The following PSMB7 variants were observed in gnomAD, a reference collection of about 807,000 sequenced individuals.
The protein encoded by PSMB7 is proteasome subunit beta type-7.
A neutral mutation model predicts 28.1 loss-of-function variants in PSMB7; 5 were observed. The observed-to-expected ratio is 0.18, with a 90% CI of 0.09 to 0.37. The LOEUF (loss-of-function observed/expected upper bound fraction) is 0.37. PSMB7 is among the 10% of genes least tolerant of loss of function. The pLI, the probability that PSMB7 is intolerant of heterozygous loss-of-function variation, is 1.00. For synonymous variants in PSMB7, 122 were observed against 123.7 expected (o/e 0.99, Z 0.09); for missense variants, 275 against 346.2 (o/e 0.79, Z 1.63).
chr9:124,398,526 A>G, intron 5 of PSMB7: 1 of 311,558 alleles, frequency 3.2e-6, no homozygotes. Flanking sequence ...GGGTAGTAAA[A>G]TTGTGGAGAT....
chr9:124,406,776 C>T (rs1830970040), intron 4 of PSMB7, among the ~76,000 whole-genome samples: 1 of 152,078 alleles, frequency 6.6e-6, no homozygotes, highest in Non-Finnish European at 1.5e-5. Context: ...CTTAATTGTG[C>T]ACATATTTGT....
intron 6 of PSMB7, among the ~76,000 whole-genome samples, chr9:124,368,383 T>G (rs1030142460): frequency 1.3e-5 from 2 of 152,272 alleles, no homozygotes; most frequent in Non-Finnish European, 2.9e-5. Flanking sequence ...ATTGCTTAAA[T>G]TATGCTACCC....
At chr9:124,380,906 G>T (rs1004607638) in intron 6 of PSMB7, among the ~76,000 whole-genome samples, 5 of 152,222 alleles carry the variant, frequency 3.3e-5, no homozygotes, top group African/African-American at 1.2e-4. Context: ...TGATAGGCTG[G>T]CCCTGCCCAA....
At chr9:124,401,047 G>GT (rs1364058441) in intron 5 of PSMB7, among the ~76,000 whole-genome samples, 3 of 152,026 alleles carry the variant, frequency 2.0e-5, no homozygotes, top group East Asian at 1.9e-4. Context: ...TCATTTGTGT[G>GT]TTTTTTTTAA....
chr9:124,387,149 G>A (rs1216630933), intron 5 of PSMB7, among the ~76,000 whole-genome samples: 1 of 152,162 alleles, frequency 6.6e-6, no homozygotes, highest in African/African-American at 2.4e-5. Flanking sequence ...AGGAGGCTGA[G>A]GCAGGAGAAT....
chr9:124,354,065 C>A (rs1217889528), intron 7 of PSMB7, among the ~76,000 whole-genome samples: 3 of 152,162 alleles, frequency 2.0e-5, no homozygotes, highest in African/African-American at 7.2e-5. Context: ...GGAAGCAAAT[C>A]CCATCATTAC....
chr9:124,374,014 A>G (rs1564678252), intron 6 of PSMB7, among the ~76,000 whole-genome samples: 1 of 152,252 alleles, frequency 6.6e-6, no homozygotes, highest in African/African-American at 2.4e-5. Context: ...CAACTAATGA[A>G]TAAGTAAAAT....
At chr9:124,401,589 C>T (rs1034993828) in intron 5 of PSMB7, among the ~76,000 whole-genome samples, 20 of 152,340 alleles carry the variant, frequency 1.3e-4, no homozygotes, top group African/African-American at 4.6e-4. Context: ...GACCTTTTCT[C>T]CCTTGGGTCC....
rs1830414044 is a variant in PSMB7, at chr9:124,356,941, T to C, written c.571-26A>G. On this transcript the variant is annotated intron_variant, in intron 6 of 7. Transcript: ENST00000259457. The surrounding 1 kb of genome is among the most constrained non-coding windows in gnomAD (Gnocchi z 4.4). The stretch of plus-strand genomic sequence containing the variant: ...CTGAGAAACAGAACGGCGGCAATAA[T>C]GTCCCCGGCCAAACTAGGGCCTGCT... The C allele has an allele frequency of 6.2e-7, 1 of 1,613,422 alleles. No homozygotes were observed. The highest frequency in any genetic ancestry group is 1.7e-5 in the Admixed American group (1 of 59,980).
At chr9:124,385,958 A>G (rs1830714484) in intron 5 of PSMB7, among the ~76,000 whole-genome samples, 1 of 152,224 alleles carries the variant, frequency 6.6e-6, no homozygotes, top group African/African-American at 2.4e-5. Context: ...CCCGATGAAT[A>G]TGACAGATAC....
At chr9:124,361,669 CTAGCTA>C (rs767606110) in intron 6 of PSMB7, among the ~76,000 whole-genome samples, 20 of 152,222 alleles carry the variant, frequency 1.3e-4, no homozygotes, top group Non-Finnish European at 2.8e-4. Flanking sequence ...TGGCCCACTG[CTAGCTA>C]TAAAGTCTGC....
intron 5 of PSMB7, among the ~76,000 whole-genome samples, chr9:124,394,036 T>C (rs1010604757): frequency 6.6e-6 from 1 of 152,266 alleles, no homozygotes; most frequent in African/African-American, 2.4e-5. Context: ...GCAAGTCTCT[T>C]AAAGGTCCCC....
intron 5 of PSMB7, among the ~76,000 whole-genome samples, chr9:124,390,763 A>G (rs924467340): frequency 2.6e-5 from 4 of 152,240 alleles, no homozygotes; most frequent in African/African-American, 9.6e-5. Flanking sequence ...AAAAAATTGA[A>G]GAAAATCCAA....
At chr9:124,375,226 A>T (rs540371414) in intron 6 of PSMB7, among the ~76,000 whole-genome samples, 3 of 152,272 alleles carry the variant, frequency 2.0e-5, no homozygotes, top group African/African-American at 7.2e-5. Flanking sequence ...GTGCAATGGC[A>T]CAACTCACTG....
chr9:124,400,332 G>T (rs895103755), intron 5 of PSMB7, among the ~76,000 whole-genome samples: 1 of 152,226 alleles, frequency 6.6e-6, no homozygotes, highest in Non-Finnish European at 1.5e-5. Context: ...GGAGACAAGC[G>T]TCCTTGTATT....
intron 6 of PSMB7, among the ~76,000 whole-genome samples, chr9:124,357,977 T>G (rs1313355664): frequency 6.6e-6 from 1 of 152,226 alleles, no homozygotes; most frequent in African/African-American, 2.4e-5. Context: ...GTACTGGACC[T>G]GGGGAACACC....
intron 6 of PSMB7, among the ~76,000 whole-genome samples, chr9:124,371,426 G>T (rs990365356): frequency 1.3e-5 from 2 of 152,194 alleles, no homozygotes; most frequent in Non-Finnish European, 2.9e-5. Context: ...ACTTTTGATG[G>T]TGAAATTCGT....
At position 124,386,057 on chromosome 9, in the gene PSMB7, T is replaced by A. The variant is rs532274243; in HGVS notation, c.512-1401A>T. 3.3e-5 allele frequency among the ~76,000 whole-genome samples: 5 copies of A among 151,436 alleles called. No individual in the cohort carries two copies. The South Asian group carries it at 1.0e-3, about 31-fold the overall frequency. On this transcript the variant is annotated intron_variant, in intron 5 of 7. Coordinates refer to ENST00000259457, the MANE Select transcript of PSMB7 (RefSeq NM_002799.4). The stretch of plus-strand genomic sequence containing the variant: ...CTAAAGCCATAGGAAGCGTCAAGTG[T>A]AAACCAGCATTACAAGCAATGACTA...
Position 124,356,937 on chromosome 9 carries a change from A to G in PSMB7, c.571-22T>C. 1.9e-6 allele frequency: 3 copies of G among 1,613,738 alleles called. No individual in the cohort carries two copies. Among genetic ancestry groups the G allele is most frequent in the Non-Finnish European group, 2.5e-6 (3 of 1,179,690 alleles). On this transcript the variant is annotated intron_variant, in intron 6 of 7. Coordinates refer to ENST00000259457, the MANE Select transcript of PSMB7 (RefSeq NM_002799.4). The surrounding 1 kb of genome is among the most constrained non-coding windows in gnomAD (Gnocchi z 4.4). The stretch of plus-strand genomic sequence containing the variant: ...CCTCCTGAGAAACAGAACGGCGGCA[A>G]TAATGTCCCCGGCCAAACTAGGGCC...
Sources: gnomAD v4.1 joint callset for allele counts (sites outside exome capture counted in the v4.1 genomes callset) on GRCh38, gnomAD v4.1.1 for gene constraint, Gnocchi (gnomAD v3.1) non-coding constraint, MANE v1.5 for transcripts, NCBI Gene and HGNC (gene_info 2026-07-23, HGNC 2026-07-21) for gene names.